CCSER1: variants seen among roughly 807,000 people sequenced by gnomAD.
CCSER1 encodes serine-rich coiled-coil domain-containing protein 1.
In CCSER1, 41 loss-of-function variants were observed where a neutral mutation model predicts 82.0. That is an observed-to-expected ratio of 0.50 (90% CI 0.39 to 0.65). The LOEUF is 0.65. Ranked by LOEUF, CCSER1 falls within the 30% of genes least tolerant of loss-of-function variation. The probability of loss-of-function intolerance (pLI) is 0.00; values close to 1 mark genes in which losing one functional copy is unlikely to be tolerated. For synonymous variants in CCSER1, 414 were observed against 383.9 expected (o/e 1.08, Z -0.92); for missense variants, 1,119 against 1,064.2 (o/e 1.05, Z -0.72).
chr4:91,107,583 G>T (rs1296584917), intron 10 of CCSER1, among the ~76,000 whole-genome samples: 1 of 151,334 alleles, frequency 6.6e-6, no homozygotes, highest in Non-Finnish European at 1.5e-5. Flanking sequence ...AATGCATGAT[G>T]GTAATTATGC....
At chr4:91,266,750 A>C (rs926475618) in intron 10 of CCSER1, among the ~76,000 whole-genome samples, 1 of 152,186 alleles carries the variant, frequency 6.6e-6, no homozygotes, top group African/African-American at 2.4e-5. Flanking sequence ...CTGGTTTTGC[A>C]TACTTTAGTA....
At chr4:90,397,916 C>G (rs1473967243) in intron 3 of CCSER1, among the ~76,000 whole-genome samples, 1 of 152,152 alleles carries the variant, frequency 6.6e-6, no homozygotes, top group East Asian at 1.9e-4. Flanking sequence ...TTTGTTCTGT[C>G]CTTCACTGCT....
At chr4:91,100,038 T>G (rs1035952765) in intron 10 of CCSER1, among the ~76,000 whole-genome samples, 1 of 152,140 alleles carries the variant, frequency 6.6e-6, no homozygotes, top group African/African-American at 2.4e-5. Flanking sequence ...GGGTAAAATA[T>G]TTTGATTTTC....
At chr4:91,565,026 TTGTGTGTGTGTGTGTGTGTGTGTG>T (rs56723869) in intron 10 of CCSER1, among the ~76,000 whole-genome samples, 53 of 131,118 alleles carry the variant, frequency 4.0e-4, no homozygotes, top group Non-Finnish European at 6.2e-4. Context: ...GCACCTTGAG[TTGTGTGTGTGTGTGTGTGTGTGTG>T]TGTGTGTGTG....
intron 9 of CCSER1, among the ~76,000 whole-genome samples, chr4:90,935,572 CT>C (rs1730827396): frequency 6.6e-6 from 1 of 152,134 alleles, no homozygotes. Context: ...TACTACAAGT[CT>C]GTTTTTCTGT....
chr4:90,742,363 T>C (rs1746692807), intron 7 of CCSER1, among the ~76,000 whole-genome samples: 1 of 152,176 alleles, frequency 6.6e-6, no homozygotes, highest in Non-Finnish European at 1.5e-5. Flanking sequence ...AGATTTATGT[T>C]CTCTGAAAAT....
intron 8 of CCSER1, among the ~76,000 whole-genome samples, chr4:90,844,332 C>G (rs1173691307): frequency 6.6e-6 from 1 of 151,928 alleles, no homozygotes; most frequent in Non-Finnish European, 1.5e-5. Context: ...AATATCTAAG[C>G]CTAAGGCATT....
At chr4:91,399,511 C>G (rs1390152430) in intron 10 of CCSER1, among the ~76,000 whole-genome samples, 1 of 151,960 alleles carries the variant, frequency 6.6e-6, no homozygotes, top group Non-Finnish European at 1.5e-5. Flanking sequence ...ATCAATTCCT[C>G]TAACCACTGA....
intron 10 of CCSER1, among the ~76,000 whole-genome samples, chr4:91,282,258 C>T (rs993551892): frequency 1.3e-5 from 2 of 152,108 alleles, no homozygotes; most frequent in African/African-American, 2.4e-5. Flanking sequence ...ACAGGTGTGA[C>T]TTTATTCCAT....
chr4:91,450,065 AC>A (rs1172136445), intron 10 of CCSER1, among the ~76,000 whole-genome samples: 1 of 152,050 alleles, frequency 6.6e-6, no homozygotes, highest in African/African-American at 2.4e-5. Context: ...TGAACTGGGT[AC>A]TACACAGGGC....
intron 7 of CCSER1, among the ~76,000 whole-genome samples, chr4:90,724,498 G>A (rs1743280667): frequency 6.6e-6 from 1 of 151,770 alleles, no homozygotes; most frequent in Non-Finnish European, 1.5e-5. Context: ...TAAGTATGTG[G>A]TATGACTGGT....
intron 7 of CCSER1, among the ~76,000 whole-genome samples, chr4:90,748,428 G>T (rs1174379782): frequency 6.7e-6 from 1 of 149,724 alleles, no homozygotes; most frequent in East Asian, 2.0e-4. Context: ...TCTTAATCCA[G>T]TCTATCATTG....
intron 10 of CCSER1, among the ~76,000 whole-genome samples, chr4:91,332,715 G>A (rs957597811): frequency 1.3e-5 from 2 of 151,926 alleles, no homozygotes; most frequent in Non-Finnish European, 2.9e-5. Flanking sequence ...CAAACTACAG[G>A]TCTGTGGAAC....
chr4:90,412,601 C>A (rs1387911706), intron 4 of CCSER1, among the ~76,000 whole-genome samples: 1 of 149,402 alleles, frequency 6.7e-6, no homozygotes, highest in Non-Finnish European at 1.5e-5. Context: ...GATGGTTTAA[C>A]AGATGTAAGT....
intron 10 of CCSER1, among the ~76,000 whole-genome samples, chr4:91,512,064 T>C (rs955316031): frequency 1.3e-5 from 2 of 152,150 alleles, no homozygotes; most frequent in Non-Finnish European, 2.9e-5. Context: ...CTATCTGCGA[T>C]GGTTCACACT....
At chr4:90,128,271 G>A (rs1722165511) in intron 1 of CCSER1, among the ~76,000 whole-genome samples, 1 of 151,932 alleles carries the variant, frequency 6.6e-6, no homozygotes, top group South Asian at 2.1e-4. Flanking sequence ...CTGAGGCGGG[G>A]ACGGCGGCGA....
At chr4:91,088,661 A>T (rs1481392408) in intron 10 of CCSER1, among the ~76,000 whole-genome samples, 1 of 152,154 alleles carries the variant, frequency 6.6e-6, no homozygotes, top group Admixed American at 6.5e-5. Flanking sequence ...TTGTGTATAC[A>T]ATTTGAGGGG....
At chr4:90,151,719 A>G (rs1040176115) in intron 1 of CCSER1, among the ~76,000 whole-genome samples, 37 of 152,140 alleles carry the variant, frequency 2.4e-4, no homozygotes, top group African/African-American at 6.8e-4. Flanking sequence ...TTACATCAAT[A>G]GATTCTTTTC....
At chr4:90,672,032 A>G (rs1245645992) in intron 6 of CCSER1, among the ~76,000 whole-genome samples, 1 of 152,066 alleles carries the variant, frequency 6.6e-6, no homozygotes, top group African/African-American at 2.4e-5. Flanking sequence ...GAGCCATGTC[A>G]TTAAACAGAT....
Sources: gnomAD v4.1 joint callset for allele counts (sites outside exome capture counted in the v4.1 genomes callset) on GRCh38, gnomAD v4.1.1 for gene constraint, MANE v1.5 for transcripts, NCBI Gene and HGNC (gene_info 2026-07-23, HGNC 2026-07-21) for gene names.